The following ZNF85 variants were observed in gnomAD, a reference collection of about 807,000 sequenced individuals.
ZNF85 encodes the protein zinc finger protein 85 (HPF4, HTF1).
Under a neutral mutation model 53.9 loss-of-function variants are expected in ZNF85, and 50 were observed. The ratio of observed to expected loss-of-function variants is 0.93; its 90% confidence interval spans 0.74 to 1.17. The LOEUF (loss-of-function observed/expected upper bound fraction) is 1.17. Among genes scored for constraint, ZNF85 ranks in the 50% most tolerant of loss-of-function variants. ZNF85 has a pLI of 0.00. For synonymous variants in ZNF85, 225 were observed against 226.1 expected, an observed-to-expected ratio of 1.00 and a Z score of 0.04; for missense variants, 747 against 688.5, an observed-to-expected ratio of 1.08 and a Z score of -0.95.
At position 20,948,994 on chromosome 19, in the gene ZNF85, T is replaced by C. The variant is rs375086731; in HGVS notation, c.480T>C (p.Asn160=). 3.1e-6 allele frequency: 5 copies of C among 1,613,436 alleles called. No individual in the cohort carries two copies. The highest frequency in any genetic ancestry group is 4.2e-6 in the Non-Finnish European group (5 of 1,179,746). Residue 160 remains asparagine, a synonymous_variant, in exon 4 of 4, where the codon AAT becomes AAC. Coordinates refer to ENST00000328178, the MANE Select transcript of ZNF85 (RefSeq NM_003429.5). ...KYVKVAHKFS[N]SNRHEIRHTK... ...TAAAAGTCGCTCATAAATTTTCAAATTCAAACAGACATGAGATAAGACATA... is the reference window on the plus strand; with the variant it reads ...TAAAAGTCGCTCATAAATTTTCAAACTCAAACAGACATGAGATAAGACATA...
At chr19:20,947,253 A>G (rs1320978189) in intron 3 of ZNF85, among the ~76,000 whole-genome samples, 1 of 151,692 alleles carries the variant, frequency 6.6e-6, no homozygotes, top group African/African-American at 2.4e-5. Flanking sequence ...TTATATCTTT[A>G]TGTTGTAAGT....
chr19:20,930,142 AG>A (rs1972979526), intron 1 of ZNF85, among the ~76,000 whole-genome samples: 2 of 145,160 alleles, frequency 1.4e-5, no homozygotes, highest in African/African-American at 2.5e-5. Context: ...AAAAAAAAAA[AG>A]AAATCAGAGT....
intron 3 of ZNF85, among the ~76,000 whole-genome samples, chr19:20,942,449 T>A (rs539694394): frequency 6.6e-6 from 1 of 152,254 alleles, no homozygotes; most frequent in South Asian, 2.1e-4. Context: ...CCTATTATGT[T>A]TTTAAATCAG....
intron 1 of ZNF85, 35 bp downstream of exon 1, chr19:20,923,438 A>T: frequency 6.2e-7 from 1 of 1,613,768 alleles, no homozygotes; most frequent in Non-Finnish European, 8.5e-7. Flanking sequence ...CGAGGGGGAA[A>T]GGGGTTGGTT....
At chr19:20,935,071 C>A in intron 3 of ZNF85, 24 bp downstream of exon 3, 1 of 1,524,058 alleles carries the variant, frequency 6.6e-7, no homozygotes, top group Non-Finnish European at 9.1e-7. Context: ...AAAATGAATA[C>A]AGCAGATGAC....
intron 1 of ZNF85, among the ~76,000 whole-genome samples, 164 bp from the exon 2 acceptor site, chr19:20,933,860 A>G (rs1973085208): frequency 6.6e-6 from 1 of 152,172 alleles, no homozygotes; most frequent in African/African-American, 2.4e-5. Context: ...TTTATTTTAT[A>G]ATTTTAGTCA....
At chr19:20,923,515 C>T (rs1218740876) in intron 1 of ZNF85, 112 bp downstream of exon 1, 3 of 1,564,200 alleles carry the variant, frequency 1.9e-6, no homozygotes, top group African/African-American at 1.4e-5. Flanking sequence ...AATCTGCGCT[C>T]CAGTTCTTTT....
chr19:20,940,475 T>A lies in ZNF85; in HGVS notation c.229+5428T>A, dbSNP rs1246279977. ...TTACTTGAGCCTGGGAATTTCAGAC[T>A]ATAGTCAACCATAATTGTGCCACTG... On this transcript the variant is annotated intron_variant, in intron 3 of 3. Transcript: ENST00000328178. Among the ~76,000 whole-genome samples the A allele has an allele frequency of 2.0e-5, 3 of 152,100 alleles. No homozygotes were observed. In the East Asian group the frequency reaches 5.8e-4, roughly 29 times the overall value.
chr19:20,929,491 AT>A (rs201131149), intron 1 of ZNF85, among the ~76,000 whole-genome samples: 1,827 of 152,156 alleles, frequency 0.012, 34 homozygotes, highest in African/African-American at 0.035. Flanking sequence ...GCCTATTTCT[AT>A]TTCTTTAACC....
At chr19:20,928,761 C>G (rs888991091) in intron 1 of ZNF85, 14 of 152,050 alleles carry the variant, frequency 9.2e-5, no homozygotes, top group African/African-American at 3.1e-4. Context: ...TTCATAATCT[C>G]ATCTGCCTGC....
Position 20,948,657 on chromosome 19 carries a change from G to A in ZNF85, c.230-87G>A. On this transcript the variant is annotated intron_variant, in intron 3 of 3. Transcript: ENST00000328178. ...TTGCTGTGCCATCTTACTTAATGTA[G>A]TTTGTTTAATTTTATATATTACATT... 5 of 1,031,680 alleles carry A rather than the reference G, an allele frequency of 4.8e-6. No individual in the cohort carries two copies. The South Asian group carries it at 9.2e-5, about 19-fold the overall frequency. 63.9% of individuals were successfully genotyped at this position (1,031,680 alleles called of 1,614,324 possible). A position where few individuals can be genotyped will look rare whatever the true frequency, so the allele number is the denominator to read the frequency against.
In ZNF85 at chr19:20,949,577, G is replaced by A; in HGVS notation, c.1063G>A (p.Ala355Thr). ...KKCGKAFNQS[A>T]HLTTHEVIHT... is the part of the protein sequence containing the mutation. ...ATGTGGAAAAGCCTTTAACCAGTCTGCACACCTTACCACACATGAGGTAAT... is the reference window on the plus strand; with the variant it reads ...ATGTGGAAAAGCCTTTAACCAGTCTACACACCTTACCACACATGAGGTAAT... The change falls in exon 4 of 4, where the codon GCA becomes ACA. Residue 355 changes from alanine (A) to threonine (T), a missense_variant. Transcript: ENST00000328178. 6.3e-7 allele frequency: 1 copy of A among 1,590,904 alleles called. No homozygotes were observed. Among genetic ancestry groups the A allele is most frequent in the Non-Finnish European group, 8.6e-7 (1 of 1,166,536 alleles).
In ZNF85 at chr19:20,930,648, C is replaced by G. The variant is rs1329954373; in HGVS notation, c.4-3376C>G. Among the ~76,000 whole-genome samples the G allele has an allele frequency of 3.3e-5, 5 of 152,212 alleles. No homozygotes were observed. In the East Asian group the frequency reaches 9.6e-4, roughly 29 times the overall value. The stretch of plus-strand genomic sequence containing the variant: ...AGTACATAGTTCCTGCTTAATATAT[C>G]TTGCATTAGTACAGGTGTACATGTT... On this transcript the variant is annotated intron_variant, in intron 1 of 3. Transcript: ENST00000328178.
intron 1 of ZNF85, among the ~76,000 whole-genome samples, chr19:20,932,005 G>A (rs1421546919): frequency 6.6e-6 from 1 of 152,158 alleles, no homozygotes. Flanking sequence ...TGATACCCAT[G>A]GAGCAGCTCA....
chr19:20,949,845 A>T lies in ZNF85; in HGVS notation c.1331A>T (p.His444Leu). ...AACCAATCCTCAAAACTTACTGAAC[A>T]TAAGAAAATTCATACTGGAGAGAAA... is the stretch of plus-strand genomic sequence containing the variant. ...AFNQSSKLTEHKKIHTGEKPY... is the reference protein window; with the variant it reads ...AFNQSSKLTELKKIHTGEKPY... Residue 444 changes from histidine to leucine, a missense_variant, in exon 4 of 4, where the codon CAT becomes CTT. Physicochemically the swap from His to Leu is moderately conservative, Grantham distance 99 (BLOSUM62 -3). Coordinates refer to ENST00000328178, the MANE Select transcript of ZNF85 (RefSeq NM_003429.5). 1 of 1,612,668 alleles carries T rather than the reference A, an allele frequency of 6.2e-7. No homozygotes were observed. Among genetic ancestry groups the T allele is most frequent in the South Asian group, 1.1e-5 (1 of 90,850 alleles).
At chr19:20,943,253 A>G (rs1021421531) in intron 3 of ZNF85, 44 of 167,480 alleles carry the variant, frequency 2.6e-4, no homozygotes, top group Admixed American at 1.3e-4. Context: ...GCTGCAATGT[A>G]ATCCTCACTG....
At chr19:20,930,631 G>T (rs187645328) in intron 1 of ZNF85, among the ~76,000 whole-genome samples, 1 of 152,292 alleles carries the variant, frequency 6.6e-6, no homozygotes, top group Admixed American at 6.5e-5. Flanking sequence ...TGAGTACATA[G>T]TTCCTGCTTA....
At chr19:20,947,581 A>G (rs762426796) in intron 3 of ZNF85, among the ~76,000 whole-genome samples, 5 of 146,766 alleles carry the variant, frequency 3.4e-5, no homozygotes, top group Non-Finnish European at 6.0e-5. Context: ...TTTCATGACA[A>G]ATTTACTAGT....
At chr19:20,940,551 C>T (rs1002082142) in intron 3 of ZNF85, among the ~76,000 whole-genome samples, 1 of 151,944 alleles carries the variant, frequency 6.6e-6, no homozygotes, top group African/African-American at 2.4e-5. Context: ...AAAAAAATAG[C>T]TTTATATTTC....
Sources: allele counts gnomAD v4.1 joint callset (sites outside exome capture counted in the v4.1 genomes callset), GRCh38; gene constraint gnomAD v4.1.1; transcripts MANE v1.5; gene names NCBI Gene and HGNC (gene_info 2026-07-23, HGNC 2026-07-21).